The following SLC16A9 variants were observed in gnomAD, a reference collection of about 807,000 sequenced individuals.
SLC16A9 encodes monocarboxylate transporter 9.
Under a neutral mutation model 44.3 loss-of-function variants are expected in SLC16A9, and 26 were observed. The observed-to-expected ratio is 0.59, with a 90% CI of 0.43 to 0.81. The LOEUF is 0.81. Ranked by LOEUF, SLC16A9 falls within the 40% of genes least tolerant of loss-of-function variation. The pLI is 0.00. For missense variants in SLC16A9, 559 were observed against 595.8 expected, an observed-to-expected ratio of 0.94 and a Z score of 0.64; for synonymous variants, 230 against 225.1, an observed-to-expected ratio of 1.02 and a Z score of -0.19.
chr10:59,707,318 G>A (rs1589004335), intron 1 of SLC16A9, among the ~76,000 whole-genome samples: 1 of 124,046 alleles, frequency 8.1e-6, no homozygotes, highest in Non-Finnish European at 1.7e-5. Context: ...GGAAGGGAAG[G>A]GAAGGGAAGG....
chr10:59,683,016 G>A (rs942239661), intron 2 of SLC16A9, among the ~76,000 whole-genome samples: 1 of 151,772 alleles, frequency 6.6e-6, no homozygotes, highest in African/African-American at 2.4e-5. Context: ...TTTTTTGAAA[G>A]ACATCCCCTT....
At chr10:59,662,693 TATGAAAAAAAAC>T (rs1839510678) in intron 4 of SLC16A9, among the ~76,000 whole-genome samples, 1 of 104,762 alleles carries the variant, frequency 9.5e-6, no homozygotes, top group African/African-American at 3.5e-5. Context: ...CCAACAAACA[TATGAAAAAAAAC>T]TCATCATCAC....
chr10:59,685,545 ATC>A (rs1397397988), intron 1 of SLC16A9, among the ~76,000 whole-genome samples: 1 of 152,240 alleles, frequency 6.6e-6, no homozygotes, highest in Non-Finnish European at 1.5e-5. Flanking sequence ...CTTGACAAAT[ATC>A]TGGAAGATCT....
At chr10:59,697,359 T>A (rs934551743) in intron 1 of SLC16A9, among the ~76,000 whole-genome samples, 2 of 150,642 alleles carry the variant, frequency 1.3e-5, no homozygotes. Context: ...GAGGTAGACA[T>A]GGGAGACTTT....
chr10:59,699,879 T>G (rs1219075558), intron 1 of SLC16A9, among the ~76,000 whole-genome samples: 1 of 149,844 alleles, frequency 6.7e-6, no homozygotes, highest in East Asian at 2.0e-4. Flanking sequence ...GTTTTCATTA[T>G]TTCAGATTCA....
intron 1 of SLC16A9, among the ~76,000 whole-genome samples, chr10:59,686,980 C>T (rs1588986174): frequency 6.6e-6 from 1 of 152,146 alleles, no homozygotes; most frequent in Admixed American, 6.6e-5. Context: ...CAATCTCGGC[C>T]CACAGCAACC....
At chr10:59,656,871 C>T (rs1478561933) in intron 4 of SLC16A9, among the ~76,000 whole-genome samples, 4 of 152,132 alleles carry the variant, frequency 2.6e-5, no homozygotes, top group African/African-American at 7.2e-5. Context: ...AAATAAAGCA[C>T]TAATTATGCT....
intron 1 of SLC16A9, among the ~76,000 whole-genome samples, chr10:59,706,845 G>A (rs1007050295): frequency 3.3e-5 from 5 of 151,788 alleles, no homozygotes; most frequent in South Asian, 2.1e-4. Context: ...ATGGTGGCAC[G>A]CACCTGTAAT....
intron 3 of SLC16A9, 110 bp downstream of exon 3, chr10:59,672,660 A>G: frequency 9.1e-7 from 1 of 1,100,548 alleles, no homozygotes; most frequent in Non-Finnish European, 1.3e-6. Flanking sequence ...AAAGTAAATT[A>G]TTAGTGAGCA....
chr10:59,672,958 C>A, intron 2 of SLC16A9, 45 bp from the exon 3 acceptor site: 1 of 1,543,434 alleles, frequency 6.5e-7, no homozygotes, highest in Non-Finnish European at 8.8e-7. Context: ...TATGATCCAT[C>A]CATCATAAGT....
intron 1 of SLC16A9, among the ~76,000 whole-genome samples, chr10:59,703,863 T>C (rs368247567): frequency 1.6e-4 from 25 of 152,086 alleles, no homozygotes; most frequent in South Asian, 4.2e-4. Context: ...GGACTACAGG[T>C]GCCCGCCACC....
intron 3 of SLC16A9, among the ~76,000 whole-genome samples, chr10:59,669,865 G>T (rs962518073): frequency 2.0e-5 from 3 of 152,046 alleles, no homozygotes; most frequent in Non-Finnish European, 2.9e-5. Context: ...ATACTGATAT[G>T]GTATCAAGTT....
intron 1 of SLC16A9, among the ~76,000 whole-genome samples, chr10:59,687,207 T>C (rs1331976533): frequency 6.6e-6 from 1 of 152,184 alleles, no homozygotes; most frequent in African/African-American, 2.4e-5. Context: ...GCCTGGCCCC[T>C]AATTTCCTTC....
At chr10:59,703,277 A>G (rs79501344) in intron 1 of SLC16A9, among the ~76,000 whole-genome samples, 1 of 152,306 alleles carries the variant, frequency 6.6e-6, no homozygotes, top group Non-Finnish European at 1.5e-5. Context: ...AGGTGCCACT[A>G]TGACCGCTAA....
chr10:59,681,567 T>TG (rs1189326092), intron 2 of SLC16A9, among the ~76,000 whole-genome samples: 1 of 95,770 alleles, frequency 1.0e-5, no homozygotes. Context: ...ATATGATGTA[T>TG]ATGTATATGT....
chr10:59,652,872 A>G lies in SLC16A9; in HGVS notation c.1430T>C (p.Ile477Thr), dbSNP rs764502653. The G allele has an allele frequency of 5.6e-6, 9 of 1,614,178 alleles. No homozygotes were observed. In the East Asian group the frequency reaches 8.9e-5, roughly 16 times the overall value. Reference sequence around the variant, plus strand: ...AGAGGGCAAGGCTGCCAGCAGCAGAATAAAACCTCCCAGCAGGACGCAGAA... The same window carrying G: ...AGAGGGCAAGGCTGCCAGCAGCAGAGTAAAACCTCCCAGCAGGACGCAGAA... ...SGFCVLLGGF[I>T]LLLAALPSWD... Residue 477 changes from isoleucine to threonine, a missense_variant, in exon 6 of 6, where the codon ATT becomes ACT. Physicochemically the swap from Ile to Thr is moderately conservative, Grantham distance 89. Transcript: ENST00000395348.
chr10:59,660,235 CA>C lies in SLC16A9; in HGVS notation c.436+3991del, dbSNP rs1839440502. 5.3e-5 allele frequency among the ~76,000 whole-genome samples: 8 copies of C among 152,038 alleles called. No homozygotes were observed. The South Asian group carries it at 1.7e-3, about 32-fold the overall frequency. On this transcript the variant is annotated intron_variant, in intron 4 of 5. Transcript: ENST00000395348. ...GGAGCTGGTTTTTTGAAAAAATTAA[CA>C]AAATACATAGACCGCTAGCCAGACT...
At chr10:59,686,409 G>A (rs1013754723) in intron 1 of SLC16A9, among the ~76,000 whole-genome samples, 1 of 152,162 alleles carries the variant, frequency 6.6e-6, no homozygotes, top group African/African-American at 2.4e-5. Context: ...TTGATGTAAG[G>A]AGAATTGACC....
At chr10:59,675,447 C>A (rs1033984523) in intron 2 of SLC16A9, among the ~76,000 whole-genome samples, 2 of 152,204 alleles carry the variant, frequency 1.3e-5, no homozygotes, top group Admixed American at 1.3e-4. Flanking sequence ...TTTCCAGTAA[C>A]CATCAGGTGA....
Sources: gnomAD v4.1 joint callset for allele counts (sites outside exome capture counted in the v4.1 genomes callset) on GRCh38, gnomAD v4.1.1 for gene constraint, MANE v1.5 for transcripts, NCBI Gene and HGNC (gene_info 2026-07-23, HGNC 2026-07-21) for gene names.